The following USP30 variants were observed in gnomAD, a reference collection of about 807,000 sequenced individuals.
USP30 encodes the protein ubiquitin carboxyl-terminal hydrolase 30.
In USP30, 41 loss-of-function variants were observed where a neutral mutation model predicts 68.2. The ratio of observed to expected loss-of-function variants is 0.60; its 90% CI spans 0.47 to 0.78. USP30 has a LOEUF of 0.78. Among genes scored for constraint, USP30 ranks in the 30% least tolerant of loss-of-function variants. USP30 has a pLI of 0.00. For missense variants in USP30, 522 were observed against 649.4 expected (o/e 0.80, Z 2.13); for synonymous variants, 229 against 253.7 (o/e 0.90, Z 0.93).
chr12:109,063,364 G>A (rs2041141710), intron 3 of USP30, among the ~76,000 whole-genome samples: 1 of 152,172 alleles, frequency 6.6e-6, no homozygotes, highest in Non-Finnish European at 1.5e-5. Context: ...GCCTCCCAAA[G>A]TTCTGGGATT....
chr12:109,081,670 A>C, intron 8 of USP30: 1 of 597,286 alleles, frequency 1.7e-6, no homozygotes, highest in South Asian at 2.0e-5. Flanking sequence ...CACAGACATT[A>C]ACCTCAGATT....
intron 3 of USP30, among the ~76,000 whole-genome samples, chr12:109,028,871 C>A (rs2040462833): frequency 6.6e-6 from 1 of 152,202 alleles, no homozygotes; most frequent in Non-Finnish European, 1.5e-5. Flanking sequence ...CCGCATGATC[C>A]AAACACCTCC....
In USP30 at chr12:109,085,687, G is replaced by T. The variant is rs766920869; in HGVS notation, c.1310G>T (p.Arg437Leu). ...TTCAGCTCCTCCACATACCTCTTCC[G>T]GCTGATGGCAGTTGTCGTCCACCAT... ...PDYSSSTYLF[R>L]LMAVVVHHGD... is the part of the protein sequence containing the mutation. Residue 437 changes from arginine to leucine, a missense_variant, in exon 13 of 13, where the codon CGG becomes CTG. Coordinates refer to ENST00000257548, the MANE Select transcript of USP30 (RefSeq NM_032663.5). 2 of 1,613,946 alleles carry T rather than the reference G, an allele frequency of 1.2e-6. No homozygotes were observed. The highest frequency in any genetic ancestry group is 2.7e-5 in the African/African-American group (2 of 74,886).
intron 3 of USP30, among the ~76,000 whole-genome samples, chr12:109,033,899 T>C (rs2040500400): frequency 1.3e-5 from 2 of 152,294 alleles, no homozygotes; most frequent in South Asian, 4.2e-4. Context: ...GTCTAATCAG[T>C]ACAATAACTA....
intron 7 of USP30, among the ~76,000 whole-genome samples, chr12:109,079,581 G>A (rs2041737188): frequency 6.6e-6 from 1 of 151,370 alleles, no homozygotes; most frequent in South Asian, 2.1e-4. Flanking sequence ...GCTCAGGTTG[G>A]TCCTGAACTC....
At chr12:109,034,310 C>T (rs533026067) in intron 3 of USP30, among the ~76,000 whole-genome samples, 1 of 152,312 alleles carries the variant, frequency 6.6e-6, no homozygotes, top group Admixed American at 6.5e-5. Context: ...TTTCTAATTT[C>T]ATTCCATTGC....
intron 3 of USP30, among the ~76,000 whole-genome samples, chr12:109,047,111 T>C (rs1209178844): frequency 3.3e-5 from 5 of 152,168 alleles, no homozygotes; most frequent in Non-Finnish European, 5.9e-5. Context: ...GCATAATTCT[T>C]AGTAAAACCA....
At chr12:109,058,402 C>T (rs1434490941) in intron 3 of USP30, among the ~76,000 whole-genome samples, 2 of 152,064 alleles carry the variant, frequency 1.3e-5, no homozygotes, top group Non-Finnish European at 2.9e-5. Context: ...AACTCCATCT[C>T]TACTAAAAAC....
chr12:109,058,253 G>C (rs759495111), intron 3 of USP30, 145 bp downstream of exon 3: 1 of 922,902 alleles, frequency 1.1e-6, no homozygotes, highest in Non-Finnish European at 1.6e-6. Context: ...GAGCCCAATA[G>C]ATACAAACAA....
At position 109,056,811 on chromosome 12, in the gene USP30, A is replaced by G; in HGVS notation, c.193+20A>G. ...GAAAAGGTAAGAATGAGAACACTGC[A>G]TCATGGTCTGTAGACTTGACCCAGA... On this transcript the variant is annotated intron_variant, in intron 2 of 12. Coordinates refer to ENST00000257548, the MANE Select transcript of USP30 (RefSeq NM_032663.5). The G allele has an allele frequency of 6.4e-7, 1 of 1,562,450 alleles. No individual in the cohort carries two copies. The highest frequency in any genetic ancestry group is 1.1e-5 in the South Asian group (1 of 87,372).
intron 3 of USP30, among the ~76,000 whole-genome samples, chr12:109,031,902 G>C (rs181724062): frequency 1.3e-5 from 2 of 152,138 alleles, no homozygotes; most frequent in East Asian, 3.9e-4. Context: ...TCAGGAGTTC[G>C]AGACCAGCCC....
At chr12:109,024,624 AT>A (rs200043270) in intron 1 of USP30, among the ~76,000 whole-genome samples, 47 of 144,478 alleles carry the variant, frequency 3.3e-4, no homozygotes, top group East Asian at 1.5e-3. Context: ...GTAAAGCAGC[AT>A]TTTTTTTTTC....
intron 8 of USP30, 97 bp from the exon 9 acceptor site, chr12:109,081,836 A>AT: frequency 8.0e-7 from 1 of 1,253,332 alleles, no homozygotes; most frequent in Non-Finnish European, 1.2e-6. Flanking sequence ...GCCTGCATAC[A>AT]TCAAAATAAA....
At position 109,082,846 on chromosome 12, in the gene USP30, CCT is replaced by C; in HGVS notation, c.954_955del (p.Gln319ValfsTer22). On this transcript the variant is annotated frameshift_variant, in exon 11 of 13. Coordinates refer to ENST00000257548, the MANE Select transcript of USP30 (RefSeq NM_032663.5). LOFTEE classifies it high-confidence loss of function. The stretch of plus-strand genomic sequence containing the variant: ...CCGATTTCTCTTCCACCCGCAGCTC[CCT>C]CAGTGTCTCTGCATCCACCTACAGC... ...FVKQLKLGKL[P>X]QCLCIHLQRL... The C allele has an allele frequency of 1.2e-6, 2 of 1,613,504 alleles. No homozygotes were observed. The highest frequency in any genetic ancestry group is 1.7e-6 in the Non-Finnish European group (2 of 1,179,562).
intron 3 of USP30, among the ~76,000 whole-genome samples, chr12:109,038,339 T>G (rs1031309484): frequency 6.6e-6 from 1 of 152,100 alleles, no homozygotes; most frequent in African/African-American, 2.4e-5. Context: ...ATAATCTCAT[T>G]CATTTTTATG....
chr12:109,082,450 C>A, intron 9 of USP30: 1 of 583,738 alleles, frequency 1.7e-6, no homozygotes, highest in Non-Finnish European at 3.0e-6. Context: ...TCAGTGTTCG[C>A]TCTTCACATT....
chr12:109,039,766 A>G (rs559054450), intron 3 of USP30, among the ~76,000 whole-genome samples: 1 of 152,224 alleles, frequency 6.6e-6, no homozygotes, highest in Admixed American at 6.5e-5. Flanking sequence ...GCCCGCCACC[A>G]CACCCAGTGA....
intron 2 of USP30, among the ~76,000 whole-genome samples, chr12:109,057,386 T>A (rs1259896409): frequency 6.6e-6 from 1 of 152,168 alleles, no homozygotes; most frequent in Non-Finnish European, 1.5e-5. Context: ...ATAAAAAGTT[T>A]TTTTAAAAGA....
Position 109,057,931 on chromosome 12 carries a change from GT to G in USP30, c.200del (p.Val67GlyfsTer7). On this transcript the variant is annotated frameshift_variant, in exon 3 of 13. Transcript: ENST00000257548. LOFTEE classifies it high-confidence loss of function. ...TCCCCCTGCTTTTTTTTTAGGGCTT[GT>G]GCCTGGCCTTGTTAATTTAGGGAAC... The part of the protein sequence containing the change: ...TERKKRRKGL[V>X]PGLVNLGNTC... 1 of 1,610,110 alleles carries G rather than the reference GT, an allele frequency of 6.2e-7. No individual in the cohort carries two copies. The highest frequency in any genetic ancestry group is 8.5e-7 in the Non-Finnish European group (1 of 1,178,702).
Sources: allele counts gnomAD v4.1 joint callset (sites outside exome capture counted in the v4.1 genomes callset), GRCh38; gene constraint gnomAD v4.1.1; transcripts MANE v1.5; gene names NCBI Gene and HGNC (gene_info 2026-07-23, HGNC 2026-07-21).